The following UBE2G2 variants were observed in gnomAD, a reference collection of about 807,000 sequenced individuals.
UBE2G2 encodes the protein ubiquitin conjugating enzyme E2 G2.
Under a neutral mutation model 23.0 loss-of-function variants are expected in UBE2G2, and 10 were observed. The observed-to-expected ratio is 0.43, with a 90% CI of 0.27 to 0.74. UBE2G2 has a LOEUF of 0.74. UBE2G2 is among the 30% of genes least tolerant of loss of function. The pLI is 0.19. For synonymous variants in UBE2G2, 86 were observed against 81.3 expected (o/e 1.06, Z -0.31); for missense variants, 150 against 218.3 (o/e 0.69, Z 1.97).
chr21:44,771,501 G>C lies in UBE2G2; in HGVS notation c.386-12C>G. ...TTCGTCATTGGGCTCTGAAAGAAAA[G>C]GGAACACCCTCCATGTAAAAGGGAG... On this transcript the variant is annotated splice_polypyrimidine_tract_variant and intron_variant, in intron 5 of 5. Coordinates refer to ENST00000345496, the MANE Select transcript of UBE2G2 (RefSeq NM_003343.6). This position sits in a 1 kb window ranked among gnomAD's most constrained non-coding sequence, Gnocchi z 4.6. The C allele has an allele frequency of 1.9e-6, 3 of 1,608,976 alleles. No individual in the cohort carries two copies. Among genetic ancestry groups the C allele is most frequent in the Non-Finnish European group, 1.7e-6 (2 of 1,179,740 alleles).
chr21:44,786,562 GACA>G (rs1199460383), intron 3 of UBE2G2, among the ~76,000 whole-genome samples: 1 of 152,160 alleles, frequency 6.6e-6, no homozygotes, highest in Admixed American at 6.5e-5. Context: ...AACCTCCACA[GACA>G]ACACTTAGCT....
intron 3 of UBE2G2, among the ~76,000 whole-genome samples, chr21:44,780,818 G>T (rs1555961235): frequency 6.6e-6 from 1 of 152,214 alleles, no homozygotes; most frequent in Admixed American, 6.5e-5. Context: ...GCGAAGATCA[G>T]CCTCTTCTGT....
intron 3 of UBE2G2, among the ~76,000 whole-genome samples, chr21:44,779,428 C>T (rs1454855366): frequency 6.6e-6 from 1 of 151,460 alleles, no homozygotes; most frequent in Non-Finnish European, 1.5e-5. Context: ...GCACAGGGAA[C>T]GCCACCGAGG....
intron 1 of UBE2G2, chr21:44,800,072 A>G (rs1241358221): frequency 3.3e-5 from 5 of 152,260 alleles, no homozygotes; most frequent in Non-Finnish European, 7.3e-5. Flanking sequence ...CAATAGTAAC[A>G]TCAAAGATTA....
At position 44,801,313 on chromosome 21, in the gene UBE2G2, C is replaced by T. The variant is rs1483834831; in HGVS notation, c.43+393G>A. 2.9e-6 allele frequency: 3 copies of T among 1,040,246 alleles called. No individual in the cohort carries two copies. The East Asian group carries it at 2.4e-4, about 82-fold the overall frequency. The allele number at this position is 1,040,246 out of a possible 1,614,324, so 64.4% of individuals were successfully genotyped here. A position where few individuals can be genotyped will look rare whatever the true frequency, so the allele number is the denominator to read the frequency against. On this transcript the variant is annotated intron_variant, in intron 1 of 5. Transcript: ENST00000345496. ...CAAAGCTCCACCAACGAGCCTTTCC[C>T]CTTTTAACGCATACACTTTTCCCTC... is the stretch of plus-strand genomic sequence containing the variant.
At chr21:44,788,123 C>A in intron 1 of UBE2G2, 28 bp from the exon 2 acceptor site, 1 of 1,574,202 alleles carries the variant, frequency 6.4e-7, no homozygotes, top group Non-Finnish European at 8.6e-7. Context: ...AAAACCATTA[C>A]CAAACAGAAT....
At chr21:44,784,351 T>C (rs2082979100) in intron 3 of UBE2G2, among the ~76,000 whole-genome samples, 1 of 152,216 alleles carries the variant, frequency 6.6e-6, no homozygotes, top group South Asian at 2.1e-4. Flanking sequence ...GTTTTACAGC[T>C]ACATGGCATT....
At position 44,772,745 on chromosome 21, in the gene UBE2G2, C is replaced by T. The variant is rs2082883100; in HGVS notation, c.385+802G>A. ...CAGAGCCTGTACCTTCAAGGTCTCCCAAACCCACCCCTTCCTCTTAGCCCT... is the reference window on the plus strand; with the variant it reads ...CAGAGCCTGTACCTTCAAGGTCTCCTAAACCCACCCCTTCCTCTTAGCCCT... On this transcript the variant is annotated intron_variant, in intron 5 of 5. Transcript: ENST00000345496. This position sits in a 1 kb window ranked among gnomAD's most constrained non-coding sequence, Gnocchi z 5.4. 2.6e-5 allele frequency among the ~76,000 whole-genome samples: 4 copies of T among 152,278 alleles called. No homozygotes were observed. The South Asian group carries it at 6.2e-4, about 24-fold the overall frequency.
At chr21:44,777,522 G>T in intron 3 of UBE2G2, 105 bp from the exon 4 acceptor site, 1 of 1,143,482 alleles carries the variant, frequency 8.7e-7, no homozygotes. Context: ...AAAAATGCAC[G>T]TGAGGCCGGG....
At chr21:44,775,588 A>T (rs1181181221) in intron 4 of UBE2G2, among the ~76,000 whole-genome samples, 1 of 152,250 alleles carries the variant, frequency 6.6e-6, no homozygotes, top group Non-Finnish European at 1.5e-5. Context: ...TAATTACCAG[A>T]ACATTAAAAA....
chr21:44,779,510 C>CA (rs1377336539), intron 3 of UBE2G2, among the ~76,000 whole-genome samples: 28 of 152,040 alleles, frequency 1.8e-4, no homozygotes, highest in Middle Eastern at 3.4e-3. Flanking sequence ...GATGAGTACC[C>CA]CCCCCGGCCC....
intron 3 of UBE2G2, among the ~76,000 whole-genome samples, chr21:44,780,729 A>C (rs1371960325): frequency 6.6e-6 from 1 of 152,232 alleles, no homozygotes; most frequent in East Asian, 1.9e-4. Context: ...CACAAAGGAC[A>C]ACTGCCTTGT....
chr21:44,771,731 A>C lies in UBE2G2; in HGVS notation c.386-242T>G, dbSNP rs1872957320. ...TCTGAAGACACCAGGACAAGTTGTC[A>C]TCTGTCTTGCTGTGGAACATGCGAC... On this transcript the variant is annotated intron_variant, in intron 5 of 5. Coordinates refer to ENST00000345496, the MANE Select transcript of UBE2G2 (RefSeq NM_003343.6). The surrounding 1 kb of genome is among the most constrained non-coding windows in gnomAD (Gnocchi z 4.6). 6.6e-6 allele frequency among the ~76,000 whole-genome samples: 1 copy of C among 152,286 alleles called. No homozygotes were observed. The highest frequency in any genetic ancestry group is 2.4e-5 in the African/African-American group (1 of 41,556).
At chr21:44,791,758 C>A (rs1307317131) in intron 1 of UBE2G2, among the ~76,000 whole-genome samples, 1 of 152,186 alleles carries the variant, frequency 6.6e-6, no homozygotes, top group African/African-American at 2.4e-5. Context: ...GAACAACCAT[C>A]CTCCAGACCC....
intron 1 of UBE2G2, among the ~76,000 whole-genome samples, chr21:44,788,913 T>C (rs1333144243): frequency 1.3e-5 from 2 of 151,444 alleles, no homozygotes; most frequent in Non-Finnish European, 2.9e-5. Context: ...GAAAAAGAAA[T>C]AAAACTCATT....
rs541682681 is a variant in UBE2G2, at chr21:44,797,710, G to A, written c.43+3996C>T. ...AGCCTGGGCGACAGAGCAAAACTCC[G>A]TCTCAAAAAAAAAAAAAAAAAAAAA... On this transcript the variant is annotated intron_variant, in intron 1 of 5. Transcript: ENST00000345496. Among the ~76,000 whole-genome samples, 272 of 49,790 alleles carry A rather than the reference G, an allele frequency of 5.5e-3. 2 individuals are homozygous for A. Among genetic ancestry groups the A allele is most frequent in the African/African-American group, 0.023 (249 of 10,650 alleles). 32.7% of individuals were successfully genotyped at this position (49,790 alleles called of 152,430 possible). A position where few individuals can be genotyped will look rare whatever the true frequency, so the allele number is the denominator to read the frequency against.
At chr21:44,787,352 C>G (rs1432117943) in intron 3 of UBE2G2, among the ~76,000 whole-genome samples, 2 of 152,192 alleles carry the variant, frequency 1.3e-5, no homozygotes, top group Non-Finnish European at 2.9e-5. Context: ...CCACACTGCT[C>G]ACTTACTAAG....
At chr21:44,800,449 T>G (rs1164423859) in intron 1 of UBE2G2, 1 of 152,224 alleles carries the variant, frequency 6.6e-6, no homozygotes, top group Non-Finnish European at 1.5e-5. Flanking sequence ...TAACTATTTG[T>G]GCAGCACTTA....
At chr21:44,799,338 C>T (rs572081058) in intron 1 of UBE2G2, among the ~76,000 whole-genome samples, 120 of 152,282 alleles carry the variant, frequency 7.9e-4, no homozygotes, top group Non-Finnish European at 1.4e-3. Context: ...TAGCTGTTTA[C>T]GTTGTATATG....
Sources: gnomAD v4.1 joint callset for allele counts (sites outside exome capture counted in the v4.1 genomes callset) on GRCh38, gnomAD v4.1.1 for gene constraint, Gnocchi (gnomAD v3.1) non-coding constraint, MANE v1.5 for transcripts, NCBI Gene and HGNC (gene_info 2026-07-23, HGNC 2026-07-21) for gene names.